The following ANKRD33B variants were observed in gnomAD, a reference collection of about 807,000 sequenced individuals.
ANKRD33B encodes the protein ankyrin repeat domain 33B, also known as ankyrin repeat domain-containing protein 33B.
Under a neutral mutation model 21.5 loss-of-function variants are expected in ANKRD33B, and 6 were observed. That is an observed-to-expected ratio of 0.28 (90% CI 0.15 to 0.55). ANKRD33B has a LOEUF of 0.55. Among genes scored for constraint, ANKRD33B ranks in the 20% least tolerant of loss-of-function variants. ANKRD33B has a pLI of 0.94. For missense variants in ANKRD33B, 698 were observed against 747.2 expected (o/e 0.93, Z 0.77); for synonymous variants, 347 against 342.4 (o/e 1.01, Z -0.15).
At chr5:10,566,887 C>T (rs1735075671) in intron 1 of ANKRD33B, among the ~76,000 whole-genome samples, 1 of 152,248 alleles carries the variant, frequency 6.6e-6, no homozygotes, top group Admixed American at 6.5e-5. Context: ...GAAGGCCTGG[C>T]CCCAGGCTTG....
rs191255330 is a variant in ANKRD33B at position 10,612,235 on chromosome 5, G to C, written c.367-6098G>C. Reference sequence around the variant, plus strand: ...CTGCTATAGCAAAATACAGTAAACTGGGTGGCTTATAAACAATGGAGATTT... The same window carrying C: ...CTGCTATAGCAAAATACAGTAAACTCGGTGGCTTATAAACAATGGAGATTT... On this transcript the variant is annotated intron_variant, in intron 1 of 3. Coordinates refer to ENST00000296657, the MANE Select transcript of ANKRD33B (RefSeq NM_001164440.2). Among the ~76,000 whole-genome samples the C allele has an allele frequency of 1.2e-4, 18 of 152,310 alleles. No homozygotes were observed. The East Asian group carries it at 3.5e-3, about 29-fold the overall frequency.
intron 1 of ANKRD33B, among the ~76,000 whole-genome samples, chr5:10,595,754 A>G (rs1298524239): frequency 1.3e-5 from 2 of 152,184 alleles, no homozygotes; most frequent in African/African-American, 4.8e-5. Flanking sequence ...TTCTGGGCTC[A>G]TCCCTGCACT....
At chr5:10,647,508 C>T (rs915122513) in intron 3 of ANKRD33B, among the ~76,000 whole-genome samples, 1 of 152,188 alleles carries the variant, frequency 6.6e-6, no homozygotes, top group Non-Finnish European at 1.5e-5. Flanking sequence ...GAAATTTATG[C>T]AGATTTCATC....
intron 2 of ANKRD33B, among the ~76,000 whole-genome samples, chr5:10,628,616 A>G (rs1426870068): frequency 1.3e-5 from 2 of 152,224 alleles, no homozygotes; most frequent in Non-Finnish European, 2.9e-5. Context: ...TGCTGGGATT[A>G]CAGGCACGAG....
At chr5:10,565,755 C>T (rs1478990993) in intron 1 of ANKRD33B, among the ~76,000 whole-genome samples, 1 of 152,240 alleles carries the variant, frequency 6.6e-6, no homozygotes, top group Non-Finnish European at 1.5e-5. Flanking sequence ...ACCACGGTGG[C>T]CAAGTTCCCC....
rs1434330009 is a variant in ANKRD33B at position 10,649,816 on chromosome 5, C to G, written c.1188C>G (p.Pro396=). 1.4e-6 allele frequency: 2 copies of G among 1,384,216 alleles called. No homozygotes were observed. Among genetic ancestry groups the G allele is most frequent in the African/African-American group, 3.1e-5 (2 of 65,222 alleles). 85.7% of individuals were successfully genotyped at this position (1,384,216 alleles called of 1,614,324 possible). A position where few individuals can be genotyped will look rare whatever the true frequency, so the allele number is the denominator to read the frequency against. The stretch of plus-strand genomic sequence containing the variant: ...CTCCCGCCCTGGGGTCCCGGGGCCC[C>G]GCAGCGCCCGCCCCGCGGAAGGCCA... ...GLPPALGSRG[P]AAPAPRKASL... is the part of the protein sequence containing the mutation. Residue 396 remains proline (P), a synonymous_variant, in exon 4 of 4, where the codon CCC becomes CCG. Transcript: ENST00000296657.
intron 3 of ANKRD33B, among the ~76,000 whole-genome samples, chr5:10,645,138 T>C (rs1479454219): frequency 1.3e-5 from 2 of 152,202 alleles, no homozygotes; most frequent in Non-Finnish European, 2.9e-5. Flanking sequence ...AGCTCTTTCT[T>C]GGACCCTGCA....
At chr5:10,637,910 G>A in intron 2 of ANKRD33B, 118 bp from the exon 3 acceptor site, 1 of 1,195,502 alleles carries the variant, frequency 8.4e-7, no homozygotes, top group Non-Finnish European at 1.1e-6. Flanking sequence ...AACTCACACA[G>A]CAGACCGGCT....
At chr5:10,607,808 C>T (rs978822378) in intron 1 of ANKRD33B, among the ~76,000 whole-genome samples, 4 of 152,184 alleles carry the variant, frequency 2.6e-5, no homozygotes, top group African/African-American at 4.8e-5. Flanking sequence ...TGCTTGTTTT[C>T]CTGCTGGACT....
At chr5:10,631,696 A>C (rs4702713) in intron 2 of ANKRD33B, among the ~76,000 whole-genome samples, 64,389 of 152,082 alleles carry the variant, frequency 0.42, 13,864 homozygotes, top group Middle Eastern at 0.55. Flanking sequence ...GAAACACGCA[A>C]GTGTGCAATC....
At chr5:10,566,708 G>C (rs1443320160) in intron 1 of ANKRD33B, among the ~76,000 whole-genome samples, 1 of 152,240 alleles carries the variant, frequency 6.6e-6, no homozygotes, top group Non-Finnish European at 1.5e-5. Flanking sequence ...AACAGACTGA[G>C]TCTCCAGGCC....
Position 10,598,788 on chromosome 5 carries a change from C to T in ANKRD33B, c.367-19545C>T, listed in dbSNP as rs565347373. 2.6e-5 allele frequency among the ~76,000 whole-genome samples: 4 copies of T among 152,124 alleles called. No homozygotes were observed. The East Asian group carries it at 5.8e-4, about 22-fold the overall frequency. On this transcript the variant is annotated intron_variant, in intron 1 of 3. Transcript: ENST00000296657. ...ACTTGGTTAGCCAGGCATGGTGGCT[C>T]ATGTCCGTAATCCCAACACTTTGGG...
chr5:10,596,475 C>T lies in ANKRD33B; in HGVS notation c.367-21858C>T, dbSNP rs1735819359. Among the ~76,000 whole-genome samples, 3 of 152,314 alleles carry T rather than the reference C, an allele frequency of 2.0e-5. No individual in the cohort carries two copies. The South Asian group carries it at 6.2e-4, about 32-fold the overall frequency. ...AAGGATAATGCCTTCCAGCACCATC[C>T]ATGTTCCTGCAAAGGACATGGTCTT... On this transcript the variant is annotated intron_variant, in intron 1 of 3. Coordinates refer to ENST00000296657, the MANE Select transcript of ANKRD33B (RefSeq NM_001164440.2).
intron 1 of ANKRD33B, among the ~76,000 whole-genome samples, chr5:10,609,979 A>G (rs1462493417): frequency 6.6e-6 from 1 of 152,220 alleles, no homozygotes; most frequent in African/African-American, 2.4e-5. Flanking sequence ...CCAATGGGAA[A>G]TGGACAAAAG....
intron 3 of ANKRD33B, among the ~76,000 whole-genome samples, chr5:10,642,040 G>C (rs182635416): frequency 1.2e-3 from 185 of 152,268 alleles, no homozygotes; most frequent in African/African-American, 4.3e-3. Flanking sequence ...GTAGATGTTT[G>C]GTAATTGACT....
At chr5:10,633,031 AC>A (rs1240638044) in intron 2 of ANKRD33B, among the ~76,000 whole-genome samples, 1 of 134,090 alleles carries the variant, frequency 7.5e-6, no homozygotes, top group African/African-American at 2.9e-5. Context: ...CAGGTGATCC[AC>A]CCCCCTCAGC....
At chr5:10,618,534 G>A (rs866109785) in intron 2 of ANKRD33B, 72 bp downstream of exon 2, 13 of 1,453,288 alleles carry the variant, frequency 8.9e-6, no homozygotes, top group Middle Eastern at 3.6e-4. Context: ...CCGGGCTCCC[G>A]TTGCGATGCA....
chr5:10,657,716 C>G lies in ANKRD33B; in HGVS notation c.*7603C>G, dbSNP rs867800329. The G allele has an allele frequency of 2.6e-5, 4 of 152,192 alleles. No individual in the cohort carries two copies. Among genetic ancestry groups the G allele is most frequent in the African/African-American group, 7.2e-5 (3 of 41,396 alleles). The allele number at this position is 152,192 out of a possible 1,614,324, so 9.4% of individuals were successfully genotyped here. A position where few individuals can be genotyped will look rare whatever the true frequency, so the allele number is the denominator to read the frequency against. ...AATGTTTTTCCCTTTTAACTTCTAA[C>G]AAATTATGTATCTAATGTTTAAAAA... is the stretch of plus-strand genomic sequence containing the variant. On this transcript the variant is annotated 3_prime_UTR_variant, in exon 4 of 4. Transcript: ENST00000296657.
At chr5:10,588,847 C>T (rs1735621381) in intron 1 of ANKRD33B, among the ~76,000 whole-genome samples, 1 of 152,194 alleles carries the variant, frequency 6.6e-6, no homozygotes, top group Non-Finnish European at 1.5e-5. Flanking sequence ...TGTTCTGCTG[C>T]ACAGTCTAAC....
Sources: gnomAD v4.1 joint callset for allele counts (sites outside exome capture counted in the v4.1 genomes callset) on GRCh38, gnomAD v4.1.1 for gene constraint, MANE v1.5 for transcripts, NCBI Gene and HGNC (gene_info 2026-07-23, HGNC 2026-07-21) for gene names.